Variants in MBNL2 observed in about 807,000 individuals in gnomAD.
MBNL2 encodes muscleblind-like protein 2.
MBNL2 carries 17 observed loss-of-function variants against 41.9 expected under a neutral mutation model. That is an observed-to-expected ratio of 0.41 (90% confidence interval 0.28 to 0.61). The LOEUF is 0.61. Among genes scored for constraint, MBNL2 ranks in the 20% least tolerant of loss-of-function variants. The probability of loss-of-function intolerance (pLI) is 0.35; values close to 1 mark genes in which losing one functional copy is unlikely to be tolerated. For synonymous variants in MBNL2, 195 were observed against 182.9 expected (o/e 1.07, Z -0.53); for missense variants, 336 against 505.6 (o/e 0.66, Z 3.22).
the MBNL2 span, among the ~76,000 whole-genome samples, chr13:97,163,978 G>A: frequency 6.6e-6 from 1 of 152,000 alleles, no homozygotes; most frequent in African/African-American, 2.4e-5. Context: ...ACAGTTCCTT[G>A]GATATATTTT....
At chr13:97,329,571 C>T (rs1280084920) in intron 2 of MBNL2, among the ~76,000 whole-genome samples, 1 of 23,820 alleles carries the variant, frequency 4.2e-5, no homozygotes, top group Non-Finnish European at 9.5e-5. Context: ...GGGACATTCT[C>T]CTGGCACACG....
chr13:97,255,299 C>T (rs942371425), intron 1 of MBNL2, among the ~76,000 whole-genome samples: 1 of 152,174 alleles, frequency 6.6e-6, no homozygotes, highest in African/African-American at 2.4e-5. Flanking sequence ...TATATCTTTG[C>T]TCTAATATAA....
intron 2 of MBNL2, among the ~76,000 whole-genome samples, chr13:97,297,043 T>C (rs565751989): frequency 1.3e-5 from 2 of 152,348 alleles, no homozygotes; most frequent in East Asian, 3.9e-4. Flanking sequence ...TTTTTGTCCA[T>C]GTGGTACCAT....
Position 97,357,521 on chromosome 13 carries a change from C to G in MBNL2, c.898C>G (p.Gln300Glu). 6.2e-7 allele frequency: 1 copy of G among 1,614,062 alleles called. No individual in the cohort carries two copies. Among genetic ancestry groups the G allele is most frequent in the Non-Finnish European group, 8.5e-7 (1 of 1,179,966 alleles). The change falls in exon 7 of 9, where the codon CAA becomes GAA. Residue 300 changes from glutamine to glutamate, a missense_variant. Gln to Glu is a conservative substitution (Grantham distance 29). Coordinates refer to ENST00000679496, the MANE Select transcript of MBNL2 (RefSeq NM_001382683.1). ...PGALHPLPKR[Q>E]ALEKSNGTSA... is the part of the protein sequence containing the mutation. ...TGCTCTTCATCCTTTACCAAAGAGA[C>G]AAGCACTTGAAAAAAGCAATGGTAC...
chr13:97,344,227 T>C (rs1212199505), intron 4 of MBNL2, among the ~76,000 whole-genome samples: 1 of 152,264 alleles, frequency 6.6e-6, no homozygotes, highest in Admixed American at 6.5e-5. Context: ...CCAAACCTCC[T>C]GTACTTTGTT....
the MBNL2 span, among the ~76,000 whole-genome samples, chr13:97,157,732 C>G: frequency 2.0e-4 from 30 of 147,980 alleles, 1 homozygote; most frequent in East Asian, 1.0e-3. Flanking sequence ...GCCTTGCATC[C>G]CAGGGATGAA....
the MBNL2 span, among the ~76,000 whole-genome samples, chr13:97,148,006 A>C: frequency 6.6e-6 from 1 of 152,168 alleles, no homozygotes; most frequent in Non-Finnish European, 1.5e-5. Context: ...TGCTCTGTTC[A>C]CCCTGAGCTG....
the MBNL2 span, among the ~76,000 whole-genome samples, chr13:97,173,214 C>A: frequency 1.3e-5 from 2 of 152,138 alleles, no homozygotes; most frequent in Non-Finnish European, 2.9e-5. Context: ...TTCCAATTTT[C>A]TTAAAACAAC....
intron 3 of MBNL2, among the ~76,000 whole-genome samples, chr13:97,341,522 A>G (rs1433158958): frequency 6.6e-6 from 1 of 152,216 alleles, no homozygotes; most frequent in African/African-American, 2.4e-5. Flanking sequence ...TAGAGGAAGA[A>G]AAAAATTCTA....
chr13:97,388,622 G>A (rs1019955000), intron 8 of MBNL2, among the ~76,000 whole-genome samples: 7 of 151,924 alleles, frequency 4.6e-5, no homozygotes, highest in African/African-American at 1.5e-4. Context: ...GGGACTCTCG[G>A]GCCTGTAAGG....
intron 8 of MBNL2, among the ~76,000 whole-genome samples, chr13:97,376,924 C>T (rs2065014743): frequency 6.6e-6 from 1 of 152,148 alleles, no homozygotes; most frequent in South Asian, 2.1e-4. Context: ...GAGAGCCAGG[C>T]CCAGGACCTG....
chr13:97,288,349 C>G (rs2055096219), intron 2 of MBNL2, among the ~76,000 whole-genome samples: 1 of 152,140 alleles, frequency 6.6e-6, no homozygotes, highest in Non-Finnish European at 1.5e-5. Flanking sequence ...CACATGTTAC[C>G]TGAGAGGACC....
At chr13:97,288,200 A>C (rs560762024) in intron 2 of MBNL2, among the ~76,000 whole-genome samples, 11 of 152,176 alleles carry the variant, frequency 7.2e-5, no homozygotes, top group Non-Finnish European at 1.5e-4. Flanking sequence ...CTTTTTTATT[A>C]TATATTACTG....
At chr13:97,272,548 G>GT (rs1013326451) in intron 1 of MBNL2, among the ~76,000 whole-genome samples, 1 of 152,082 alleles carries the variant, frequency 6.6e-6, no homozygotes, top group Non-Finnish European at 1.5e-5. Flanking sequence ...TATTGCCTAG[G>GT]TTTTCTTCTA....
intron 2 of MBNL2, among the ~76,000 whole-genome samples, chr13:97,280,564 C>G (rs902162162): frequency 1.3e-5 from 2 of 152,226 alleles, no homozygotes; most frequent in Non-Finnish European, 2.9e-5. Context: ...GATGTCACTG[C>G]TCTGTTCAGG....
At chr13:97,322,602 A>G (rs984732395) in intron 2 of MBNL2, among the ~76,000 whole-genome samples, 3 of 152,188 alleles carry the variant, frequency 2.0e-5, no homozygotes, top group African/African-American at 7.2e-5. Flanking sequence ...AAAACCGCCT[A>G]AGAGGAATGT....
chr13:97,286,930 G>A (rs1452709435), intron 2 of MBNL2, among the ~76,000 whole-genome samples: 1 of 152,166 alleles, frequency 6.6e-6, no homozygotes, highest in Non-Finnish European at 1.5e-5. Context: ...CAGGGACCGC[G>A]TTGTTGTATC....
the MBNL2 span, among the ~76,000 whole-genome samples, chr13:97,157,012 C>T: frequency 1.3e-5 from 2 of 149,756 alleles, no homozygotes; most frequent in Non-Finnish European, 3.0e-5. Context: ...GATATTGATT[C>T]TTCCTACCCA....
intron 1 of MBNL2, among the ~76,000 whole-genome samples, chr13:97,227,421 G>A (rs1182123002): frequency 6.6e-6 from 1 of 152,170 alleles, no homozygotes; most frequent in African/African-American, 2.4e-5. Flanking sequence ...AAGGAAACAA[G>A]ATATTTACAA....
Sources: allele counts gnomAD v4.1 joint callset (sites outside exome capture counted in the v4.1 genomes callset), GRCh38; gene constraint gnomAD v4.1.1; transcripts MANE v1.5; gene names NCBI Gene and HGNC (gene_info 2026-07-23, HGNC 2026-07-21).